Variants in TMEM272 observed in about 807,000 individuals in gnomAD.
TMEM272 encodes the protein transmembrane protein 272, also known as long intergenic non-protein coding RNA 282.
In TMEM272, 8 loss-of-function variants were observed where a neutral mutation model predicts 3.7. The observed-to-expected ratio is 2.17, with a 90% CI of 1.27 to 3.91. The LOEUF is 3.91. Among genes scored for constraint, TMEM272 ranks in the 30% most tolerant of loss-of-function variants. The pLI is 0.00. For missense variants in TMEM272, 166 were observed against 91.5 expected (o/e 1.81, Z -3.32); for synonymous variants, 63 against 39.8 (o/e 1.58, Z -2.20).
the TMEM272 span, chr13:51,910,431 C>G: frequency 1.1e-6 from 1 of 940,274 alleles, no homozygotes. Context: ...CCTAACCGAT[C>G]TAAAACTTCT....
the TMEM272 span, among the ~76,000 whole-genome samples, chr13:51,922,563 C>T: frequency 5.9e-5 from 9 of 152,194 alleles, no homozygotes; most frequent in African/African-American, 1.9e-4. Flanking sequence ...ACAGGGATCA[C>T]ACCTGCAGAA....
the TMEM272 span, among the ~76,000 whole-genome samples, chr13:51,869,879 G>C: frequency 6.6e-6 from 1 of 152,316 alleles, no homozygotes; most frequent in South Asian, 2.1e-4. Flanking sequence ...TGCAGTCGAA[G>C]AGGGATGAAT....
At chr13:51,854,918 C>T in the TMEM272 span, among the ~76,000 whole-genome samples, 1 of 152,094 alleles carries the variant, frequency 6.6e-6, no homozygotes, top group Non-Finnish European at 1.5e-5. Flanking sequence ...GAGTACTGCA[C>T]TAGGTAAAGG....
the TMEM272 span, chr13:51,932,764 C>A: frequency 6.6e-6 from 1 of 152,194 alleles, no homozygotes; most frequent in African/African-American, 2.4e-5. Context: ...TACACTTTGA[C>A]CATCTAAAAG....
At chr13:51,831,672 T>TC (rs926516168) in intron 2 of TMEM272, among the ~76,000 whole-genome samples, 1 of 152,204 alleles carries the variant, frequency 6.6e-6, no homozygotes, top group East Asian at 1.9e-4. Context: ...TCTCGCCTGA[T>TC]CCCCCTGCCT....
At chr13:51,888,821 A>AT in the TMEM272 span, among the ~76,000 whole-genome samples, 1 of 151,048 alleles carries the variant, frequency 6.6e-6, no homozygotes, top group Admixed American at 6.6e-5. Context: ...AATTTTTTGT[A>AT]TTTTTAGTAG....
chr13:51,847,237 C>T (rs1446648541), upstream of TMEM272, among the ~76,000 whole-genome samples: 2 of 152,116 alleles, frequency 1.3e-5, no homozygotes, highest in African/African-American at 2.4e-5. Context: ...TTTTAGGAAC[C>T]GGGCCCCACA....
chr13:51,838,365 A>G, intron 2 of TMEM272, 108 bp downstream of exon 2: 2 of 696,754 alleles, frequency 2.9e-6, no homozygotes, highest in South Asian at 3.0e-5. Context: ...GGGCCACCCC[A>G]TACCAAGCAC....
intron 2 of TMEM272, among the ~76,000 whole-genome samples, chr13:51,836,768 G>A (rs1483146110): frequency 6.6e-6 from 1 of 152,212 alleles, no homozygotes. Context: ...GTGGGAGGAA[G>A]TAGAAGTCTA....
At chr13:51,822,409 T>A (rs1230368320) in intron 3 of TMEM272, among the ~76,000 whole-genome samples, 1 of 152,208 alleles carries the variant, frequency 6.6e-6, no homozygotes. Context: ...GGGTATTAAC[T>A]GGCTATGGGT....
chr13:51,908,750 A>G, the TMEM272 span: 2 of 1,465,106 alleles, frequency 1.4e-6, no homozygotes, highest in Middle Eastern at 1.7e-4. Context: ...AATTAGAATA[A>G]AATCTGTCTT....
At chr13:51,878,256 C>T in the TMEM272 span, among the ~76,000 whole-genome samples, 1 of 152,124 alleles carries the variant, frequency 6.6e-6, no homozygotes, top group Non-Finnish European at 1.5e-5. Flanking sequence ...TGGTGAAACC[C>T]TGTCTCTACT....
rs1158900642 is a variant in TMEM272, at chr13:51,838,457, C to CA, written c.58+15dup. Reference sequence around the variant, plus strand: ...AATCCTACAAAACCAGGGCATTTCTCAGAGTTGTGACTCACCATTGCTGGC... The same window carrying CA: ...AATCCTACAAAACCAGGGCATTTCTCAAGAGTTGTGACTCACCATTGCTGGC... On this transcript the variant is annotated intron_variant, in intron 2 of 4. Coordinates refer to ENST00000629372, the MANE Select transcript of TMEM272 (RefSeq NM_001351003.2). 1 of 702,914 alleles carries CA rather than the reference C, an allele frequency of 1.4e-6. No homozygotes were observed. Among genetic ancestry groups the CA allele is most frequent in the African/African-American group, 1.7e-5 (1 of 57,260 alleles). The allele number at this position is 702,914 out of a possible 1,614,324, so 43.5% of individuals were successfully genotyped here. A position where few individuals can be genotyped will look rare whatever the true frequency, so the allele number is the denominator to read the frequency against.
the TMEM272 span, among the ~76,000 whole-genome samples, chr13:51,931,461 G>A: frequency 6.6e-6 from 1 of 152,034 alleles, no homozygotes; most frequent in African/African-American, 2.4e-5. Context: ...GACGCAGGGA[G>A]GGGAACATCA....
At chr13:51,885,243 A>G in the TMEM272 span, among the ~76,000 whole-genome samples, 7 of 152,230 alleles carry the variant, frequency 4.6e-5, no homozygotes, top group African/African-American at 1.7e-4. Flanking sequence ...TTTCATATAT[A>G]GCATGTATTA....
At chr13:51,922,020 GT>G in the TMEM272 span, among the ~76,000 whole-genome samples, 3 of 152,162 alleles carry the variant, frequency 2.0e-5, no homozygotes, top group Non-Finnish European at 4.4e-5. Context: ...AAACATAACT[GT>G]CAAGACTTAA....
At chr13:51,897,888 T>C in the TMEM272 span, among the ~76,000 whole-genome samples, 24 of 120,758 alleles carry the variant, frequency 2.0e-4, no homozygotes, top group African/African-American at 7.2e-4. Context: ...GATCATGCCA[T>C]TGCACTACAG....
At chr13:51,888,150 A>G in the TMEM272 span, among the ~76,000 whole-genome samples, 7 of 151,650 alleles carry the variant, frequency 4.6e-5, no homozygotes, top group Non-Finnish European at 1.0e-4. Context: ...GGTTCAAGCA[A>G]TTCTCCTGCC....
chr13:51,922,467 C>T, the TMEM272 span, among the ~76,000 whole-genome samples: 2 of 152,238 alleles, frequency 1.3e-5, no homozygotes, highest in East Asian at 3.9e-4. Flanking sequence ...CAGGGTCTGG[C>T]CCTGTCACCC....
Sources: gnomAD v4.1 joint callset for allele counts (sites outside exome capture counted in the v4.1 genomes callset) on GRCh38, gnomAD v4.1.1 for gene constraint, MANE v1.5 for transcripts, NCBI Gene and HGNC (gene_info 2026-07-23, HGNC 2026-07-21) for gene names.